Variants in ROCK1 observed in about 807,000 individuals in gnomAD.
ROCK1 encodes the protein rho-associated protein kinase 1.
A neutral mutation model predicts 196.8 loss-of-function variants in ROCK1; 36 were observed. That is an observed-to-expected ratio of 0.18 (90% CI 0.14 to 0.24). The LOEUF (loss-of-function observed/expected upper bound fraction) is 0.24, where lower values mean the gene tolerates loss of function less well. ROCK1 is among the 10% of genes least tolerant of loss of function. The pLI, the probability that ROCK1 is intolerant of heterozygous loss-of-function variation, is 1.00. For synonymous variants in ROCK1, 443 were observed against 515.9 expected, an observed-to-expected ratio of 0.86 and a Z score of 1.91; for missense variants, 920 against 1,562.0, an observed-to-expected ratio of 0.59 and a Z score of 6.93.
At chr18:21,086,309 A>G (rs1400162830) in intron 1 of ROCK1, among the ~76,000 whole-genome samples, 2 of 151,926 alleles carry the variant, frequency 1.3e-5, no homozygotes, top group South Asian at 4.2e-4. Context: ...ACAGGATTTC[A>G]CCATGTGGGA....
intron 22 of ROCK1, among the ~76,000 whole-genome samples, chr18:20,977,350 G>A (rs1302416668): frequency 6.6e-6 from 1 of 152,150 alleles, no homozygotes; most frequent in Non-Finnish European, 1.5e-5. Context: ...TCTCTCTCCA[G>A]CCTTATCTGT....
At chr18:21,091,488 A>C (rs1448595626) in intron 1 of ROCK1, among the ~76,000 whole-genome samples, 1 of 151,148 alleles carries the variant, frequency 6.6e-6, no homozygotes, top group Non-Finnish European at 1.5e-5. Flanking sequence ...CTGTAGTCCC[A>C]GCTACTCGGG....
At chr18:21,078,367 CACACACAGAG>C (rs2036453025) in intron 1 of ROCK1, among the ~76,000 whole-genome samples, 1 of 148,464 alleles carries the variant, frequency 6.7e-6, no homozygotes, top group African/African-American at 2.5e-5. Context: ...CACACACACA[CACACACAGAG>C]AGAGAGAGAG....
intron 21 of ROCK1, among the ~76,000 whole-genome samples, chr18:20,980,362 A>G (rs1210188078): frequency 6.6e-6 from 1 of 152,246 alleles, no homozygotes; most frequent in Non-Finnish European, 1.5e-5. Context: ...AGTGAAAGAA[A>G]CCACGTGTTA....
At chr18:21,096,719 A>C (rs1469550062) in intron 1 of ROCK1, among the ~76,000 whole-genome samples, 2 of 152,210 alleles carry the variant, frequency 1.3e-5, no homozygotes, top group Admixed American at 6.5e-5. Flanking sequence ...CCTATACCAG[A>C]TAGGTATGAT....
At chr18:20,990,826 T>C (rs1309266070) in intron 18 of ROCK1, among the ~76,000 whole-genome samples, 1 of 149,016 alleles carries the variant, frequency 6.7e-6, no homozygotes, top group Non-Finnish European at 1.5e-5. Context: ...AGTGACACCA[T>C]CTCGGCTCAC....
chr18:21,077,015 G>A (rs1463363352), intron 1 of ROCK1, among the ~76,000 whole-genome samples: 12 of 145,810 alleles, frequency 8.2e-5, no homozygotes, highest in African/African-American at 2.5e-4. Flanking sequence ...CGCCCAGGCC[G>A]GACTGCGGAC....
intron 4 of ROCK1, among the ~76,000 whole-genome samples, chr18:21,048,295 G>A (rs1007304215): frequency 6.6e-6 from 1 of 152,126 alleles, no homozygotes; most frequent in African/African-American, 2.4e-5. Context: ...TGGTGACCTA[G>A]CTTAACTTGG....
In ROCK1 at chr18:20,951,160, T is replaced by C. The variant is rs757760998; in HGVS notation, c.*224A>G. The C allele has an allele frequency of 3.7e-5, 15 of 402,348 alleles. No individual in the cohort carries two copies. The highest frequency in any genetic ancestry group is 5.5e-5 in the Non-Finnish European group (12 of 219,166). The allele number at this position is 402,348 out of a possible 1,614,324, so 24.9% of individuals were successfully genotyped here. The stretch of plus-strand genomic sequence containing the variant: ...TACCTAAGCTTTCCCCCAACTGTAC[T>C]TGCATTACATAGTAATAATTAATCT... On this transcript the variant is annotated 3_prime_UTR_variant, in exon 33 of 33. Transcript: ENST00000399799.
intron 18 of ROCK1, among the ~76,000 whole-genome samples, chr18:20,988,990 T>C (rs1191774749): frequency 2.0e-5 from 3 of 151,846 alleles, no homozygotes; most frequent in Admixed American, 2.0e-4. Context: ...CACAACAAAG[T>C]GTAGGGTAGT....
chr18:21,049,092 C>T lies in ROCK1; in HGVS notation c.414G>A (p.Gln138=). The change falls in exon 4 of 33, where the codon CAG becomes CAA. Residue 138 remains glutamine (Q), a splice_region_variant and synonymous_variant. Coordinates refer to ENST00000399799, the MANE Select transcript of ROCK1 (RefSeq NM_005406.3). ...TAATGAAAGAGTAGCAAAGTCATAC[C>T]TGAACAACCCAAGGACTGTTGGCAA... The part of the protein sequence containing the change: ...MAFANSPWVV[Q]LFYAFQDDRY... 6.3e-7 allele frequency: 1 copy of T among 1,591,734 alleles called. No individual in the cohort carries two copies. Among genetic ancestry groups the T allele is most frequent in the Non-Finnish European group, 8.6e-7 (1 of 1,168,732 alleles).
At chr18:21,081,027 AAG>A (rs956650532) in intron 1 of ROCK1, among the ~76,000 whole-genome samples, 1 of 152,062 alleles carries the variant, frequency 6.6e-6, no homozygotes, top group African/African-American at 2.4e-5. Flanking sequence ...ACAGATTATA[AAG>A]AGAGAGAGAG....
intron 16 of ROCK1, among the ~76,000 whole-genome samples, chr18:21,003,347 AATGTCCAAAC>A (rs1216740462): frequency 6.6e-6 from 1 of 152,208 alleles, no homozygotes; most frequent in African/African-American, 2.4e-5. Flanking sequence ...AATGAAATGC[AATGTCCAAAC>A]TTTGGATCCA....
At chr18:21,052,307 A>G (rs2036210380) in intron 2 of ROCK1, among the ~76,000 whole-genome samples, 1 of 152,224 alleles carries the variant, frequency 6.6e-6, no homozygotes, top group African/African-American at 2.4e-5. Flanking sequence ...CTAATAAAGA[A>G]CTTAATGGTA....
intron 18 of ROCK1, 93 bp downstream of exon 18, chr18:20,991,083 C>G: frequency 1.1e-6 from 1 of 934,670 alleles, no homozygotes; most frequent in Non-Finnish European, 1.6e-6. Context: ...ATACTTTCTA[C>G]GAGTTAAAGA....
chr18:21,016,200 C>A (rs1213825975), intron 12 of ROCK1, among the ~76,000 whole-genome samples: 1 of 152,066 alleles, frequency 6.6e-6, no homozygotes, highest in East Asian at 1.9e-4. Context: ...AAATTAACAA[C>A]TACTGCTAAT....
chr18:21,084,495 T>C (rs1398017202), intron 1 of ROCK1, among the ~76,000 whole-genome samples: 1 of 152,108 alleles, frequency 6.6e-6, no homozygotes, highest in Non-Finnish European at 1.5e-5. Context: ...AATAAGCACA[T>C]GAAAAGATGC....
At chr18:21,008,982 A>C (rs2035791998) in intron 13 of ROCK1, among the ~76,000 whole-genome samples, 1 of 152,232 alleles carries the variant, frequency 6.6e-6, no homozygotes, top group African/African-American at 2.4e-5. Flanking sequence ...AAGCACCACC[A>C]CAACGAAGAT....
At chr18:20,993,328 G>A (rs752331954) in intron 16 of ROCK1, among the ~76,000 whole-genome samples, 44 of 152,066 alleles carry the variant, frequency 2.9e-4, no homozygotes, top group African/African-American at 5.3e-4. Flanking sequence ...TCAGCCTCCC[G>A]AGTAGCTGGG....
Sources: gnomAD v4.1 joint callset for allele counts (sites outside exome capture counted in the v4.1 genomes callset) on GRCh38, gnomAD v4.1.1 for gene constraint, MANE v1.5 for transcripts, NCBI Gene and HGNC (gene_info 2026-07-23, HGNC 2026-07-21) for gene names.